The following GRIP1 variants were observed in gnomAD, a reference collection of about 807,000 sequenced individuals.
GRIP1 encodes the protein glutamate receptor interacting protein 1.
In GRIP1, 45 loss-of-function variants were observed where a neutral mutation model predicts 129.9. The ratio of observed to expected loss-of-function variants is 0.35; its 90% CI spans 0.27 to 0.44. The LOEUF (loss-of-function observed/expected upper bound fraction) is 0.44. GRIP1 is among the 20% of genes least tolerant of loss of function. The pLI, the probability that GRIP1 is intolerant of heterozygous loss-of-function variation, is 1.00. For synonymous variants in GRIP1, 530 were observed against 520.8 expected (o/e 1.02, Z -0.24); for missense variants, 1,196 against 1,396.8 (o/e 0.86, Z 2.29).
At chr12:67,000,316 A>G (rs2042533566) in intron 1 of GRIP1, among the ~76,000 whole-genome samples, 3 of 152,206 alleles carry the variant, frequency 2.0e-5, no homozygotes, top group South Asian at 4.1e-4. Flanking sequence ...CCATGTTTCT[A>G]TGAAACAGAT....
At chr12:66,945,876 A>T (rs1008818921) in intron 1 of GRIP1, among the ~76,000 whole-genome samples, 3 of 152,206 alleles carry the variant, frequency 2.0e-5, no homozygotes, top group Non-Finnish European at 4.4e-5. Flanking sequence ...CAAACGTTGG[A>T]GTCTTAGGTG....
Position 66,432,676 on chromosome 12 carries a change from G to T in GRIP1, c.1688-48C>A, listed in dbSNP as rs752837842. Reference sequence around the variant, plus strand: ...TGTGTTAATAGAACACTGAGGACTGGAGCACCCATCAATAAAAATGCATTA... The same window carrying T: ...TGTGTTAATAGAACACTGAGGACTGTAGCACCCATCAATAAAAATGCATTA... On this transcript the variant is annotated intron_variant, in intron 13 of 24. Transcript: ENST00000359742. 5.9e-6 allele frequency: 6 copies of T among 1,015,252 alleles called. No homozygotes were observed. In the South Asian group the frequency reaches 7.7e-5, roughly 13 times the overall value. 62.9% of individuals were successfully genotyped at this position (1,015,252 alleles called of 1,614,324 possible).
At chr12:66,933,949 CTT>C (rs1382834490) in intron 1 of GRIP1, among the ~76,000 whole-genome samples, 1 of 152,250 alleles carries the variant, frequency 6.6e-6, no homozygotes, top group Non-Finnish European at 1.5e-5. Flanking sequence ...AACAGAATCT[CTT>C]TTTTTAATTC....
intron 11 of GRIP1, among the ~76,000 whole-genome samples, chr12:66,447,167 G>C (rs1369897109): frequency 6.6e-5 from 10 of 152,134 alleles, no homozygotes; most frequent in Non-Finnish European, 1.3e-4. Flanking sequence ...TTCGCCCACT[G>C]GCTTTGCTGG....
intron 1 of GRIP1, among the ~76,000 whole-genome samples, chr12:66,795,429 C>A (rs2038667515): frequency 6.6e-6 from 1 of 152,150 alleles, no homozygotes; most frequent in African/African-American, 2.4e-5. Context: ...TCAAAAGCAC[C>A]TGTTTTCACA....
intron 1 of GRIP1, among the ~76,000 whole-genome samples, chr12:66,979,787 G>A (rs1291295537): frequency 6.6e-6 from 1 of 152,134 alleles, no homozygotes; most frequent in Non-Finnish European, 1.5e-5. Flanking sequence ...AATGCCATGT[G>A]ATGAGAGGCA....
chr12:66,766,309 TG>T lies in GRIP1; in HGVS notation c.-420+37743del, dbSNP rs940688113. Among the ~76,000 whole-genome samples, 9 of 152,324 alleles carry T rather than the reference TG, an allele frequency of 5.9e-5. No individual in the cohort carries two copies. In the East Asian group the frequency reaches 7.7e-4, roughly 13 times the overall value. ...CTGGCCTCCATTCTAGGGGCTCCCCTGGCCTTGCTATAAAAGCACACCCAGG... is the reference window on the plus strand; with the variant it reads ...CTGGCCTCCATTCTAGGGGCTCCCCTGCCTTGCTATAAAAGCACACCCAGG... On this transcript the variant is annotated intron_variant, in intron 1 of 4. Coordinates refer to the GRIP1 transcript ENST00000538373.
chr12:66,862,092 A>G (rs186821568), intron 1 of GRIP1, among the ~76,000 whole-genome samples: 4 of 152,196 alleles, frequency 2.6e-5, no homozygotes, highest in Admixed American at 2.0e-4. Context: ...GTGCTAGGAA[A>G]TATCTACTTT....
chr12:66,872,272 T>C (rs2040308910), intron 1 of GRIP1, among the ~76,000 whole-genome samples: 1 of 151,990 alleles, frequency 6.6e-6, no homozygotes, highest in African/African-American at 2.4e-5. Context: ...AGCAGAGGCA[T>C]CCAACAATCA....
At position 66,445,179 on chromosome 12, in the gene GRIP1, A is replaced by G. The variant is rs2058586226; in HGVS notation, c.1541+143T>C. On this transcript the variant is annotated intron_variant, in intron 12 of 24. Coordinates refer to ENST00000359742, the MANE Select transcript of GRIP1 (RefSeq NM_001366722.1). ...ACTCTTTTCAAACCTGATCAAGAAC[A>G]TAAAATTTTATTGTCAGAAGACAGT... is the stretch of plus-strand genomic sequence containing the variant. 3 of 762,052 alleles carry G rather than the reference A, an allele frequency of 3.9e-6. No individual in the cohort carries two copies. In the South Asian group the frequency reaches 4.7e-5, roughly 12 times the overall value. 47.2% of individuals were successfully genotyped at this position (762,052 alleles called of 1,614,324 possible). A position where few individuals can be genotyped will look rare whatever the true frequency, so the allele number is the denominator to read the frequency against.
chr12:66,665,000 G>A (rs2033716643), intron 1 of GRIP1, among the ~76,000 whole-genome samples: 1 of 151,604 alleles, frequency 6.6e-6, no homozygotes, highest in Non-Finnish European at 1.5e-5. Context: ...CAATTTCTTG[G>A]CTTACTAGGT....
At chr12:66,503,071 G>A (rs751002786) in intron 7 of GRIP1, among the ~76,000 whole-genome samples, 35 of 152,130 alleles carry the variant, frequency 2.3e-4, no homozygotes, top group Non-Finnish European at 1.0e-4. Flanking sequence ...TCAGCAGCCA[G>A]TGCACCAGGG....
chr12:66,994,787 T>C (rs2042443434), intron 1 of GRIP1, among the ~76,000 whole-genome samples: 1 of 152,034 alleles, frequency 6.6e-6, no homozygotes, highest in African/African-American at 2.4e-5. Context: ...ATCTACAGAT[T>C]TAAAATAATC....
chr12:66,600,495 A>G (rs184053792), intron 1 of GRIP1, among the ~76,000 whole-genome samples: 6 of 152,364 alleles, frequency 3.9e-5, no homozygotes, highest in Admixed American at 3.3e-4. Flanking sequence ...ATTTATTGTA[A>G]TCAAAGAACC....
intron 1 of GRIP1, among the ~76,000 whole-genome samples, chr12:66,723,237 T>TTC (rs1180351107): frequency 7.3e-4 from 12 of 16,418 alleles, no homozygotes; most frequent in African/African-American, 1.1e-3. Flanking sequence ...TCTCTCTCTC[T>TTC]CTCTTCCTTC....
intron 1 of GRIP1, among the ~76,000 whole-genome samples, chr12:66,622,668 T>C (rs1388623069): frequency 6.6e-6 from 1 of 152,176 alleles, no homozygotes; most frequent in African/African-American, 2.4e-5. Flanking sequence ...CACATGGTTT[T>C]CTCTGTTACC....
At chr12:67,003,859 TG>T (rs2042588216) in intron 1 of GRIP1, among the ~76,000 whole-genome samples, 2 of 152,216 alleles carry the variant, frequency 1.3e-5, no homozygotes, top group African/African-American at 4.8e-5. Context: ...ACAAATGTGG[TG>T]GCTTAAAACA....
chr12:66,706,441 T>C (rs2035530541), intron 1 of GRIP1, among the ~76,000 whole-genome samples: 3 of 152,102 alleles, frequency 2.0e-5, no homozygotes, highest in Admixed American at 2.0e-4. Context: ...GTTCAACCAT[T>C]GTGGAAGACA....
intron 1 of GRIP1, among the ~76,000 whole-genome samples, chr12:66,827,752 C>T (rs1212458681): frequency 2.6e-5 from 4 of 152,110 alleles, no homozygotes; most frequent in Admixed American, 2.0e-4. Context: ...GCCTTTTTTC[C>T]CTACCTCAGT....
Sources: allele counts gnomAD v4.1 joint callset (sites outside exome capture counted in the v4.1 genomes callset), GRCh38; gene constraint gnomAD v4.1.1; transcripts MANE v1.5; gene names NCBI Gene and HGNC (gene_info 2026-07-23, HGNC 2026-07-21).